The following TEF variants were observed in gnomAD, a reference collection of about 807,000 sequenced individuals.
TEF encodes the protein TEF transcription factor, PAR bZIP family member.
TEF carries 3 observed loss-of-function variants against 20.8 expected under a neutral mutation model. The ratio of observed to expected loss-of-function variants is 0.14; its 90% CI spans 0.07 to 0.37. The LOEUF (loss-of-function observed/expected upper bound fraction) is 0.37, where lower values mean the gene tolerates loss of function less well. Among genes scored for constraint, TEF ranks in the 10% least tolerant of loss-of-function variants. The pLI, the probability that TEF is intolerant of heterozygous loss-of-function variation, is 1.00. For synonymous variants in TEF, 180 were observed against 171.1 expected (o/e 1.05, Z -0.41); for missense variants, 296 against 397.9 (o/e 0.74, Z 2.18).
chr22:41,391,399 C>T lies in TEF; in HGVS notation c.476-2697C>T, dbSNP rs565289050. Among the ~76,000 whole-genome samples the T allele has an allele frequency of 1.8e-4, 28 of 151,406 alleles. No individual in the cohort carries two copies. The East Asian group carries it at 5.0e-3, about 27-fold the overall frequency. ...GGAGTGCAGTGGTGTGATCTCAGCT[C>T]GCTGCGACCTCTGCCTCCCGGGTTC... On this transcript the variant is annotated intron_variant, in intron 2 of 3. Transcript: ENST00000266304.
At chr22:41,394,456 G>A (rs1174204156) in intron 3 of TEF, 140 bp downstream of exon 3, 1 of 834,510 alleles carries the variant, frequency 1.2e-6, no homozygotes, top group Admixed American at 2.9e-5. Context: ...AGTGCTTAAA[G>A]CCATATCCTT....
At chr22:41,367,746 C>T (rs1321575558) in intron 1 of TEF, 23 of 730,634 alleles carry the variant, frequency 3.1e-5, no homozygotes, top group South Asian at 9.0e-5. Flanking sequence ...GTGCAGAGTG[C>T]GGAGAGGGGT....
At chr22:41,381,708 C>A (rs1292126548), upstream of TEF, among the ~76,000 whole-genome samples, 1 of 152,018 alleles carries the variant, frequency 6.6e-6, no homozygotes, top group Admixed American at 6.5e-5. Flanking sequence ...GACACAGGGG[C>A]GGCGGGGCGG....
upstream of TEF, among the ~76,000 whole-genome samples, chr22:41,381,702 CAG>C (rs1491461978): frequency 5.3e-5 from 8 of 152,200 alleles, no homozygotes; most frequent in South Asian, 1.2e-3. Context: ...TCAGGGGACA[CAG>C]GGGCGGCGGG....
intron 1 of TEF, among the ~76,000 whole-genome samples, chr22:41,373,623 C>T (rs892254440): frequency 5.3e-4 from 80 of 152,114 alleles, no homozygotes; most frequent in African/African-American, 1.9e-3. Flanking sequence ...GCGCCCACCA[C>T]CACGCCCAGA....
upstream of TEF, among the ~76,000 whole-genome samples, chr22:41,381,560 G>C (rs1389605824): frequency 6.6e-6 from 1 of 152,240 alleles, no homozygotes; most frequent in African/African-American, 2.4e-5. Flanking sequence ...TTGCAAGTCG[G>C]GGACAAGAGG....
chr22:41,393,178 A>G (rs995376889), intron 2 of TEF, among the ~76,000 whole-genome samples: 1 of 151,178 alleles, frequency 6.6e-6, no homozygotes, highest in African/African-American at 2.4e-5. Context: ...CTGTCTCTAA[A>G]AAATAAAAAA....
At chr22:41,373,773 T>G (rs2036909629) in intron 1 of TEF, among the ~76,000 whole-genome samples, 1 of 150,204 alleles carries the variant, frequency 6.7e-6, no homozygotes, top group Non-Finnish European at 1.5e-5. Flanking sequence ...CGGACTTTTT[T>G]TTTTTTTTTT....
At chr22:41,371,006 T>C (rs1032177138) in intron 1 of TEF, among the ~76,000 whole-genome samples, 2 of 152,126 alleles carry the variant, frequency 1.3e-5, no homozygotes, top group African/African-American at 4.8e-5. Context: ...TGACTCAGTT[T>C]CCCCTCTATG....
intron 1 of TEF, among the ~76,000 whole-genome samples, chr22:41,386,791 T>A (rs1313983046): frequency 6.6e-6 from 1 of 151,920 alleles, no homozygotes; most frequent in African/African-American, 2.4e-5. Flanking sequence ...TAGTGGCTCA[T>A]GCCTGTAATC....
intron 2 of TEF, among the ~76,000 whole-genome samples, chr22:41,389,516 G>C (rs1023690695): frequency 6.6e-6 from 1 of 151,470 alleles, no homozygotes; most frequent in Non-Finnish European, 1.5e-5. Context: ...GCTACTTGGA[G>C]GCTGAGGCAG....
chr22:41,378,868 C>T (rs1468455583), upstream of TEF, among the ~76,000 whole-genome samples: 1 of 152,238 alleles, frequency 6.6e-6, no homozygotes, highest in East Asian at 1.9e-4. Flanking sequence ...TTCTCACTAA[C>T]AATTCTACAA....
At chr22:41,393,047 A>G (rs937360017) in intron 2 of TEF, among the ~76,000 whole-genome samples, 1 of 151,922 alleles carries the variant, frequency 6.6e-6, no homozygotes, top group Non-Finnish European at 1.5e-5. Flanking sequence ...AAGAAAAAGA[A>G]AAGTGGAGCC....
chr22:41,391,199 C>G (rs1044442638), intron 2 of TEF, among the ~76,000 whole-genome samples: 2 of 152,210 alleles, frequency 1.3e-5, no homozygotes, highest in African/African-American at 4.8e-5. Flanking sequence ...TGCCACACCT[C>G]TGCCCAGAGC....
At chr22:41,379,220 C>A (rs1010167937), upstream of TEF, among the ~76,000 whole-genome samples, 1 of 152,120 alleles carries the variant, frequency 6.6e-6, no homozygotes, top group African/African-American at 2.4e-5. Context: ...CTCCTGTAGT[C>A]CCAGCTACTC....
At chr22:41,374,426 C>T (rs2036916051) in intron 1 of TEF, among the ~76,000 whole-genome samples, 1 of 152,000 alleles carries the variant, frequency 6.6e-6, no homozygotes, top group South Asian at 2.1e-4. Flanking sequence ...GTGGCGGGCA[C>T]CTGTAGTCCC....
At position 41,370,152 on chromosome 22, in the gene TEF, A is replaced by G. The variant is rs930258154; in HGVS notation, c.67+2553A>G. 38 of 962,022 alleles carry G rather than the reference A, an allele frequency of 4.0e-5. No homozygotes were observed. The Admixed American group carries it at 1.8e-3, about 46-fold the overall frequency. The allele number at this position is 962,022 out of a possible 1,614,324, so 59.6% of individuals were successfully genotyped here. A position where few individuals can be genotyped will look rare whatever the true frequency, so the allele number is the denominator to read the frequency against. ...TTTTTTGAGATAAGAGTCTTGCTCT[A>G]TCGCCAGGCTGGAGTGCAGTGGTGC... is the stretch of plus-strand genomic sequence containing the variant. On this transcript the variant is annotated intron_variant, in intron 1 of 3. Transcript: ENST00000406644.
At chr22:41,370,101 T>A (rs959142114) in intron 1 of TEF, 44 of 984,596 alleles carry the variant, frequency 4.5e-5, no homozygotes, top group Middle Eastern at 5.2e-4. Flanking sequence ...CTCCACTTTC[T>A]TTTATTTTCT....
intron 1 of TEF, among the ~76,000 whole-genome samples, chr22:41,386,271 C>G (rs780541152): frequency 6.6e-6 from 1 of 151,520 alleles, no homozygotes; most frequent in Non-Finnish European, 1.5e-5. Flanking sequence ...AAACCCCAGT[C>G]TCTACTAAAT....
Sources: allele counts gnomAD v4.1 joint callset (sites outside exome capture counted in the v4.1 genomes callset), GRCh38; gene constraint gnomAD v4.1.1; transcripts MANE v1.5; gene names NCBI Gene and HGNC (gene_info 2026-07-23, HGNC 2026-07-21).